The following OPCML variants were observed in gnomAD, a reference collection of about 807,000 sequenced individuals.
OPCML encodes opioid-binding protein/cell adhesion molecule.
OPCML carries 13 observed loss-of-function variants against 37.8 expected under a neutral mutation model. The observed-to-expected ratio is 0.34, with a 90% CI of 0.22 to 0.55. OPCML has a LOEUF of 0.55. Among genes scored for constraint, OPCML ranks in the 20% least tolerant of loss-of-function variants. The pLI is 0.91. For synonymous variants in OPCML, 176 were observed against 168.8 expected, an observed-to-expected ratio of 1.04 and a Z score of -0.33; for missense variants, 341 against 435.6, an observed-to-expected ratio of 0.78 and a Z score of 1.93.
intron 2 of OPCML, among the ~76,000 whole-genome samples, chr11:132,878,484 C>T (rs1943105698): frequency 6.6e-6 from 1 of 152,186 alleles, no homozygotes; most frequent in Non-Finnish European, 1.5e-5. Context: ...CAGTCTTCTG[C>T]CTTCAGGCTG....
chr11:132,746,096 GTT>G (rs11403478), intron 2 of OPCML, among the ~76,000 whole-genome samples: 17 of 141,762 alleles, frequency 1.2e-4, no homozygotes, highest in East Asian at 2.1e-4. Flanking sequence ...CAAAGTTGTT[GTT>G]TTTTTTTTTT....
chr11:133,017,005 C>T (rs576332296), intron 1 of OPCML, among the ~76,000 whole-genome samples: 2 of 152,194 alleles, frequency 1.3e-5, no homozygotes, highest in Admixed American at 6.5e-5. Flanking sequence ...AGGCTGTGAA[C>T]TGGATGGCTT....
chr11:133,485,409 C>T (rs1054382574), intron 1 of OPCML, among the ~76,000 whole-genome samples: 103 of 152,070 alleles, frequency 6.8e-4, no homozygotes, highest in African/African-American at 2.4e-3. Context: ...GGAAGTCACC[C>T]ATGATGAACT....
chr11:133,382,332 A>G (rs1416998339), intron 1 of OPCML, among the ~76,000 whole-genome samples: 2 of 152,174 alleles, frequency 1.3e-5, no homozygotes, highest in Admixed American at 6.5e-5. Context: ...GGGAATTCTG[A>G]AAGAGACTGG....
chr11:133,443,196 G>A (rs1016157934), intron 1 of OPCML, among the ~76,000 whole-genome samples: 6 of 152,122 alleles, frequency 3.9e-5, no homozygotes, highest in Admixed American at 3.3e-4. Flanking sequence ...GGAAATAAAC[G>A]TGATCAACCA....
intron 2 of OPCML, among the ~76,000 whole-genome samples, chr11:132,880,110 C>T (rs1482109581): frequency 6.6e-6 from 1 of 152,134 alleles, no homozygotes; most frequent in Non-Finnish European, 1.5e-5. Context: ...CATTATATCC[C>T]TTCATCTTTG....
Position 133,473,362 on chromosome 11 carries a change from T to C in OPCML, c.61+58902A>G, listed in dbSNP as rs377044726. 4.6e-5 allele frequency among the ~76,000 whole-genome samples: 7 copies of C among 152,294 alleles called. No individual in the cohort carries two copies. The East Asian group carries it at 1.3e-3, about 29-fold the overall frequency. ...CTTTCTCCTGCAGCATCGAAATTCC[T>C]GTGAAAATGTTTGTTCAGTCTTATT... is the stretch of plus-strand genomic sequence containing the variant. On this transcript the variant is annotated intron_variant, in intron 1 of 7. Coordinates refer to ENST00000524381, the MANE Select transcript of OPCML (RefSeq NM_001012393.5).
At chr11:133,499,871 TA>T (rs1253493412) in intron 1 of OPCML, among the ~76,000 whole-genome samples, 15 of 116,060 alleles carry the variant, frequency 1.3e-4, no homozygotes, top group East Asian at 6.7e-4. Context: ...TATATATATA[TA>T]TATTTTTTTT....
intron 1 of OPCML, among the ~76,000 whole-genome samples, chr11:133,100,126 A>C (rs1949064615): frequency 6.6e-6 from 1 of 152,214 alleles, no homozygotes; most frequent in South Asian, 2.1e-4. Flanking sequence ...CACTGAGTAC[A>C]CATGGGGACA....
intron 1 of OPCML, among the ~76,000 whole-genome samples, chr11:133,478,822 T>C (rs532446443): frequency 2.7e-5 from 4 of 145,478 alleles, no homozygotes; most frequent in Admixed American, 2.0e-4. Flanking sequence ...TGAGAACTGA[T>C]GCTGTAACCA....
intron 1 of OPCML, among the ~76,000 whole-genome samples, chr11:133,404,418 G>A (rs563776822): frequency 6.6e-6 from 1 of 152,150 alleles, no homozygotes; most frequent in African/African-American, 2.4e-5. Flanking sequence ...ATGGGAAAAG[G>A]TGCCCTTTAC....
chr11:133,186,532 G>A (rs527595838), intron 1 of OPCML, among the ~76,000 whole-genome samples: 1 of 151,862 alleles, frequency 6.6e-6, no homozygotes, highest in Non-Finnish European at 1.5e-5. Context: ...GAGAAAGTAG[G>A]GAAAATGGAG....
chr11:133,027,356 T>C (rs1397723268), intron 1 of OPCML, among the ~76,000 whole-genome samples: 3 of 152,212 alleles, frequency 2.0e-5, no homozygotes, highest in African/African-American at 7.2e-5. Flanking sequence ...TCTTATTGTA[T>C]GAATAGGCTA....
At chr11:133,478,531 A>G (rs1303880909) in intron 1 of OPCML, among the ~76,000 whole-genome samples, 2 of 152,022 alleles carry the variant, frequency 1.3e-5, no homozygotes, top group African/African-American at 2.4e-5. Context: ...CAAATATACC[A>G]CCTGTACTGC....
chr11:132,726,896 C>G (rs1275489791), intron 2 of OPCML, among the ~76,000 whole-genome samples: 1 of 152,184 alleles, frequency 6.6e-6, no homozygotes, highest in Non-Finnish European at 1.5e-5. Flanking sequence ...AAACCCCTCC[C>G]TTTTTCTAGT....
intron 7 of OPCML, among the ~76,000 whole-genome samples, chr11:132,424,389 G>A (rs962869279): frequency 2.6e-5 from 4 of 152,160 alleles, no homozygotes; most frequent in Non-Finnish European, 5.9e-5. Context: ...AAAGTGTGGG[G>A]ATTACAGGTG....
intron 3 of OPCML, among the ~76,000 whole-genome samples, chr11:132,623,465 T>A (rs1000846234): frequency 6.6e-6 from 1 of 152,154 alleles, no homozygotes; most frequent in Non-Finnish European, 1.5e-5. Flanking sequence ...CTGAAAAAAA[T>A]GAGCATTTTA....
At position 133,212,143 on chromosome 11, in the gene OPCML, G is replaced by C. The variant is rs139950538; in HGVS notation, c.62-269133C>G. On this transcript the variant is annotated intron_variant, in intron 1 of 7. Transcript: ENST00000524381. The surrounding 1 kb of genome is among the most constrained non-coding windows in gnomAD (Gnocchi z 4.9). ...CACCTGCTGGAACCTGAGCATGAAA[G>C]TACCCACACCACCACCAATCACAAC... Among the ~76,000 whole-genome samples, 2 of 151,524 alleles carry C rather than the reference G, an allele frequency of 1.3e-5. No individual in the cohort carries two copies. The highest frequency in any genetic ancestry group is 2.9e-5 in the Non-Finnish European group (2 of 68,010).
At chr11:133,422,377 T>TTA (rs10525519) in intron 1 of OPCML, 11,161 of 747,934 alleles carry the variant, frequency 0.015, 480 homozygotes, top group African/African-American at 0.1. Flanking sequence ...ACCAAAGACA[T>TTA]TATATATATA....
Sources: allele counts gnomAD v4.1 joint callset (sites outside exome capture counted in the v4.1 genomes callset), GRCh38; gene constraint gnomAD v4.1.1; non-coding constraint Gnocchi (gnomAD v3.1); transcripts MANE v1.5; gene names NCBI Gene and HGNC (gene_info 2026-07-23, HGNC 2026-07-21).